Variants in BCL2L13 observed in about 807,000 individuals in gnomAD.
BCL2L13 encodes bcl-2-like protein 13.
Under a neutral mutation model 25.8 loss-of-function variants are expected in BCL2L13, and 13 were observed. The ratio of observed to expected loss-of-function variants is 0.50; its 90% CI spans 0.33 to 0.80. The LOEUF is 0.80. BCL2L13 is among the 30% of genes least tolerant of loss of function. The pLI, the probability that BCL2L13 is intolerant of heterozygous loss-of-function variation, is 0.02. For synonymous variants in BCL2L13, 244 were observed against 230.3 expected (o/e 1.06, Z -0.54); for missense variants, 504 against 574.9 (o/e 0.88, Z 1.26).
chr22:17,666,678 CTTTT>C, intron 2 of BCL2L13, among the ~76,000 whole-genome samples: 1 of 121,398 alleles, frequency 8.2e-6, no homozygotes, highest in Admixed American at 9.3e-5. Context: ...GGACCTCATT[CTTTT>C]TTTTTTTTTT....
intron 6 of BCL2L13, chr22:17,702,749 G>A (rs1396606612): frequency 6.3e-6 from 1 of 158,842 alleles, no homozygotes; most frequent in East Asian, 1.8e-4. Flanking sequence ...ATACTTACAG[G>A]TTTAAAAATT....
rs1303526546 is a variant in BCL2L13 at position 17,642,913 on chromosome 22, G to A, written c.-51+4027G>A. 2.0e-5 allele frequency among the ~76,000 whole-genome samples: 3 copies of A among 151,802 alleles called. No individual in the cohort carries two copies. The East Asian group carries it at 5.8e-4, about 30-fold the overall frequency. On this transcript the variant is annotated intron_variant, in intron 1 of 6. Coordinates refer to ENST00000317582, the MANE Select transcript of BCL2L13 (RefSeq NM_015367.4). ...CACCTGGTCTGTAATGCTGCTTTGA[G>A]CATTCATGTGCAAATTTTTGTGCAG...
intron 5 of BCL2L13, among the ~76,000 whole-genome samples, chr22:17,698,081 G>T (rs992038418): frequency 6.7e-6 from 1 of 150,262 alleles, no homozygotes; most frequent in Non-Finnish European, 1.5e-5. Context: ...CTCCCAAATT[G>T]CTGGGATTAC....
chr22:17,663,065 C>T (rs1189707016), intron 2 of BCL2L13, among the ~76,000 whole-genome samples: 1 of 151,964 alleles, frequency 6.6e-6, no homozygotes, highest in East Asian at 1.9e-4. Context: ...AAGACAGGGT[C>T]TTGCAGTGTT....
intron 1 of BCL2L13, among the ~76,000 whole-genome samples, chr22:17,630,925 TTTATAACCTTC>T (rs2058001064): frequency 6.6e-6 from 1 of 151,820 alleles, no homozygotes; most frequent in Non-Finnish European, 1.5e-5. Flanking sequence ...TTTTTAACCT[TTTATAACCTTC>T]TTATAACCTT....
At chr22:17,724,832 T>A (rs922058921) in intron 6 of BCL2L13, among the ~76,000 whole-genome samples, 4 of 152,242 alleles carry the variant, frequency 2.6e-5, no homozygotes, top group African/African-American at 4.8e-5. Flanking sequence ...TCCATTCCAT[T>A]GGTTCTCTTC....
chr22:17,689,489 C>T (rs1478134618), intron 4 of BCL2L13, among the ~76,000 whole-genome samples: 1 of 152,182 alleles, frequency 6.6e-6, no homozygotes, highest in East Asian at 1.9e-4. Context: ...AATATAATGG[C>T]TAGCGTTTTG....
At chr22:17,662,084 T>C (rs1372051732) in intron 2 of BCL2L13, among the ~76,000 whole-genome samples, 2 of 152,196 alleles carry the variant, frequency 1.3e-5, no homozygotes, top group African/African-American at 4.8e-5. Context: ...ATTTACACAA[T>C]GAATTTATAT....
At chr22:17,641,748 T>C (rs920677407) in intron 1 of BCL2L13, among the ~76,000 whole-genome samples, 2 of 151,770 alleles carry the variant, frequency 1.3e-5, no homozygotes, top group African/African-American at 4.8e-5. Flanking sequence ...TTTCTGTCTA[T>C]GGATTTGCCT....
At chr22:17,696,282 G>A in intron 5 of BCL2L13, 72 bp downstream of exon 5, 1 of 1,198,370 alleles carries the variant, frequency 8.3e-7, no homozygotes, top group Non-Finnish European at 1.2e-6. Flanking sequence ...GGAATTGCTA[G>A]CATCATCAGC....
chr22:17,688,072 G>A (rs1041467915), intron 3 of BCL2L13, among the ~76,000 whole-genome samples: 28 of 152,182 alleles, frequency 1.8e-4, no homozygotes, highest in African/African-American at 6.7e-4. Context: ...CCCAGCCTTG[G>A]CCTCCCAAAG....
intron 1 of BCL2L13, among the ~76,000 whole-genome samples, chr22:17,631,508 T>C (rs1371087839): frequency 1.3e-5 from 2 of 151,330 alleles, no homozygotes; most frequent in Non-Finnish European, 2.9e-5. Flanking sequence ...AAGTACATGA[T>C]GTCCGTTTGT....
At chr22:17,636,832 A>G (rs2058116337), upstream of BCL2L13, among the ~76,000 whole-genome samples, 1 of 152,148 alleles carries the variant, frequency 6.6e-6, no homozygotes, top group Non-Finnish European at 1.5e-5. Flanking sequence ...TAAATAAAGG[A>G]AAAGACTGAG....
chr22:17,685,962 C>T (rs139333746), intron 3 of BCL2L13, among the ~76,000 whole-genome samples: 2,704 of 150,902 alleles, frequency 0.018, 76 homozygotes, highest in African/African-American at 0.061. Context: ...TTAGTAGAGA[C>T]GGGGTTTCAC....
Position 17,702,382 on chromosome 22 carries a change from G to A in BCL2L13, c.596G>A (p.Gly199Asp). 6.3e-7 allele frequency: 1 copy of A among 1,585,270 alleles called. No individual in the cohort carries two copies. The highest frequency in any genetic ancestry group is 8.6e-7 in the Non-Finnish European group (1 of 1,169,092). Reference protein sequence around the residue: ...YSAEYIIQQGGWGTVFSLESE... With the variant: ...YSAEYIIQQGDWGTVFSLESE... ...GCAGAGTACATCATTCAGCAAGGTG[G>A]CTGGGTATGAGCTGTTATATATTAA... Residue 199 changes from glycine (G) to aspartate (D), a missense_variant, in exon 6 of 7, where the codon GGC (glycine) becomes GAC (aspartate). By Grantham distance (94) the Gly-to-Asp change is moderately conservative. Transcript: ENST00000317582.
At chr22:17,651,634 A>G (rs2058691491) in intron 1 of BCL2L13, among the ~76,000 whole-genome samples, 1 of 150,274 alleles carries the variant, frequency 6.7e-6, no homozygotes, top group Non-Finnish European at 1.5e-5. Flanking sequence ...TACCTGCCTC[A>G]GGCTCCCCAA....
chr22:17,678,399 C>G (rs750263671), intron 2 of BCL2L13, among the ~76,000 whole-genome samples: 1 of 152,084 alleles, frequency 6.6e-6, no homozygotes, highest in East Asian at 1.9e-4. Context: ...CCTTTCTGCT[C>G]TCTGTTAACT....
chr22:17,655,654 G>A lies in BCL2L13; in HGVS notation c.-50-8G>A. On this transcript the variant is annotated splice_region_variant and splice_polypyrimidine_tract_variant and intron_variant, in intron 1 of 6. Transcript: ENST00000317582. ...TTTAAACTGAAAAAATTACTTTTTT[G>A]TTCTTAGGTTTTACACATCCATAAG... The A allele has an allele frequency of 3.2e-6, 5 of 1,553,228 alleles. No individual in the cohort carries two copies. The highest frequency in any genetic ancestry group is 4.3e-6 in the Non-Finnish European group (5 of 1,152,522).
chr22:17,655,296 T>C (rs2058818669), intron 1 of BCL2L13, among the ~76,000 whole-genome samples: 1 of 148,102 alleles, frequency 6.8e-6, no homozygotes, highest in South Asian at 2.1e-4. Flanking sequence ...GGCTTTACAG[T>C]TCACTTTTTT....
Sources: gnomAD v4.1 joint callset for allele counts (sites outside exome capture counted in the v4.1 genomes callset) on GRCh38, gnomAD v4.1.1 for gene constraint, MANE v1.5 for transcripts, NCBI Gene and HGNC (gene_info 2026-07-23, HGNC 2026-07-21) for gene names.